NEMP2: variants seen among roughly 807,000 people sequenced by gnomAD.
NEMP2 encodes the protein UPF0571 transmembrane protein.
Under a neutral mutation model 54.2 loss-of-function variants are expected in NEMP2, and 53 were observed. The observed-to-expected ratio is 0.98, with a 90% CI of 0.78 to 1.23. The LOEUF is 1.23. Among genes scored for constraint, NEMP2 ranks in the 50% most tolerant of loss-of-function variants. The pLI is 0.00. For synonymous variants in NEMP2, 197 were observed against 190.3 expected (o/e 1.04, Z -0.29); for missense variants, 455 against 511.3 (o/e 0.89, Z 1.06).
At chr2:190,603,339 G>C in the NEMP2 span, among the ~76,000 whole-genome samples, 18 of 152,112 alleles carry the variant, frequency 1.2e-4, no homozygotes, top group East Asian at 3.3e-3. Context: ...TTGACATTCA[G>C]AGATTTTTGA....
the NEMP2 span, among the ~76,000 whole-genome samples, chr2:190,597,347 A>T: frequency 6.6e-6 from 1 of 152,154 alleles, no homozygotes; most frequent in African/African-American, 2.4e-5. The surrounding 1 kb of genome is among the most constrained non-coding windows in gnomAD (Gnocchi z 4.7). Context: ...GGGAGAAAAA[A>T]AAAGCCCTGG....
At chr2:190,467,722 T>C in the NEMP2 span, among the ~76,000 whole-genome samples, 1 of 152,172 alleles carries the variant, frequency 6.6e-6, no homozygotes, top group Non-Finnish European at 1.5e-5. The surrounding 1 kb of genome is among the most constrained non-coding windows in gnomAD (Gnocchi z 5.5). Flanking sequence ...CTAAGAATAA[T>C]AGTTTCTACA....
At chr2:190,456,768 C>G in the NEMP2 span, among the ~76,000 whole-genome samples, 1 of 152,264 alleles carries the variant, frequency 6.6e-6, no homozygotes, top group African/African-American at 2.4e-5. This position sits in a 1 kb window ranked among gnomAD's most constrained non-coding sequence, Gnocchi z 5.4. Flanking sequence ...ACCCCTCGTC[C>G]TGCCTCAGCA....
At chr2:190,489,362 T>C in the NEMP2 span, among the ~76,000 whole-genome samples, 1 of 152,182 alleles carries the variant, frequency 6.6e-6, no homozygotes, top group South Asian at 2.1e-4. The surrounding 1 kb of genome is among the most constrained non-coding windows in gnomAD (Gnocchi z 6.6). Flanking sequence ...TATTAATATA[T>C]AAGGTGGGCC....
At chr2:190,450,533 C>T in the NEMP2 span, among the ~76,000 whole-genome samples, 1 of 119,744 alleles carries the variant, frequency 8.4e-6, no homozygotes, top group Non-Finnish European at 1.6e-5. Flanking sequence ...CACTCTGTCT[C>T]CCAGGCTGGA....
the NEMP2 span, among the ~76,000 whole-genome samples, chr2:190,482,903 T>TTTTGTTTTTG: frequency 1.2e-5 from 1 of 86,228 alleles, no homozygotes; most frequent in Non-Finnish European, 2.2e-5. Flanking sequence ...TTTTTTTTTT[T>TTTTGTTTTTG]AGACGGAGTC....
the NEMP2 span, among the ~76,000 whole-genome samples, chr2:190,636,096 C>G: frequency 2.6e-5 from 4 of 152,180 alleles, no homozygotes; most frequent in African/African-American, 9.7e-5. Flanking sequence ...AACTCCTGGA[C>G]TCAGGTGATC....
At chr2:190,466,729 T>G in the NEMP2 span, among the ~76,000 whole-genome samples, 1 of 152,212 alleles carries the variant, frequency 6.6e-6, no homozygotes, top group South Asian at 2.1e-4. Context: ...ACCTGGATAC[T>G]TCTTATTTTG....
chr2:190,572,833 G>GTTTATATATATATATATATA, the NEMP2 span, among the ~76,000 whole-genome samples: 34 of 47,846 alleles, frequency 7.1e-4, 4 homozygotes, highest in East Asian at 1.9e-3. Context: ...CTTTTCATGA[G>GTTTATATATATATATATATA]TATATATATA....
At chr2:190,594,596 G>A in the NEMP2 span, among the ~76,000 whole-genome samples, 1 of 152,150 alleles carries the variant, frequency 6.6e-6, no homozygotes, top group Non-Finnish European at 1.5e-5. This position sits in a 1 kb window ranked among gnomAD's most constrained non-coding sequence, Gnocchi z 5.6. Flanking sequence ...TCTTTTTAGA[G>A]ATAGTATCTT....
At chr2:190,477,032 C>T in the NEMP2 span, among the ~76,000 whole-genome samples, 2 of 122,842 alleles carry the variant, frequency 1.6e-5, no homozygotes, top group East Asian at 4.7e-4. Context: ...GGAAGGGGAA[C>T]ATCACACACT....
At chr2:190,617,865 C>A in the NEMP2 span, among the ~76,000 whole-genome samples, 13 of 152,194 alleles carry the variant, frequency 8.5e-5, no homozygotes, top group African/African-American at 3.1e-4. This position sits in a 1 kb window ranked among gnomAD's most constrained non-coding sequence, Gnocchi z 5.0. Context: ...AGTATTTAGC[C>A]TACATTTTTA....
the NEMP2 span, among the ~76,000 whole-genome samples, chr2:190,426,990 T>A: frequency 6.6e-6 from 1 of 152,202 alleles, no homozygotes; most frequent in Non-Finnish European, 1.5e-5. This position sits in a 1 kb window ranked among gnomAD's most constrained non-coding sequence, Gnocchi z 4.7. Flanking sequence ...TTCATTACTG[T>A]GAAGTGGAGA....
At chr2:190,499,246 A>T in the NEMP2 span, among the ~76,000 whole-genome samples, 3 of 152,218 alleles carry the variant, frequency 2.0e-5, no homozygotes, top group Admixed American at 1.3e-4. The surrounding 1 kb of genome is among the most constrained non-coding windows in gnomAD (Gnocchi z 6.0). Flanking sequence ...CTTAGAAGTC[A>T]TTATACTAAG....
At chr2:190,586,939 T>C in the NEMP2 span, among the ~76,000 whole-genome samples, 1 of 152,206 alleles carries the variant, frequency 6.6e-6, no homozygotes, top group African/African-American at 2.4e-5. The surrounding 1 kb of genome is among the most constrained non-coding windows in gnomAD (Gnocchi z 4.5). Flanking sequence ...CTTTCTCCTC[T>C]TGTGAGAATT....
the NEMP2 span, among the ~76,000 whole-genome samples, chr2:190,482,868 C>CA: frequency 1.0e-4 from 5 of 48,292 alleles, no homozygotes; most frequent in Non-Finnish European, 1.5e-4. Flanking sequence ...AGACTATCAT[C>CA]TTTTTTTTTT....
At chr2:190,534,331 A>C (rs1691278402) in intron 1 of NEMP2, 10 of 1,192,590 alleles carry the variant, frequency 8.4e-6, no homozygotes, top group Admixed American at 4.5e-5. Context: ...GGTTGCTTCT[A>C]ATTCTAAAAT....
chr2:190,644,126 G>A, the NEMP2 span, among the ~76,000 whole-genome samples: 1 of 151,340 alleles, frequency 6.6e-6, no homozygotes, highest in South Asian at 2.1e-4. This position sits in a 1 kb window ranked among gnomAD's most constrained non-coding sequence, Gnocchi z 4.4. Flanking sequence ...GCTATATACT[G>A]AGGCCTGCCA....
the NEMP2 span, among the ~76,000 whole-genome samples, chr2:190,586,529 T>C: frequency 6.6e-6 from 1 of 152,210 alleles, no homozygotes; most frequent in East Asian, 1.9e-4. This position sits in a 1 kb window ranked among gnomAD's most constrained non-coding sequence, Gnocchi z 4.5. Context: ...TCTCAGATCT[T>C]TGTCCCCATA....
Sources: allele counts gnomAD v4.1 joint callset (sites outside exome capture counted in the v4.1 genomes callset), GRCh38; gene constraint gnomAD v4.1.1; non-coding constraint Gnocchi (gnomAD v3.1); transcripts MANE v1.5; gene names NCBI Gene and HGNC (gene_info 2026-07-23, HGNC 2026-07-21).